The following KCNIP4 variants were observed in gnomAD, a reference collection of about 807,000 sequenced individuals.
The protein encoded by KCNIP4 is Kv channel-interacting protein 4.
A neutral mutation model predicts 34.0 loss-of-function variants in KCNIP4; 12 were observed. The observed-to-expected ratio is 0.35, with a 90% confidence interval of 0.23 to 0.57. The LOEUF (loss-of-function observed/expected upper bound fraction) is 0.57, where lower values mean the gene tolerates loss of function less well. Among genes scored for constraint, KCNIP4 ranks in the 20% least tolerant of loss-of-function variants. The pLI is 0.83. For synonymous variants in KCNIP4, 124 were observed against 102.2 expected, an observed-to-expected ratio of 1.21 and a Z score of -1.29; for missense variants, 238 against 311.7, an observed-to-expected ratio of 0.76 and a Z score of 1.78.
chr4:21,661,323 A>C (rs1320259340), intron 1 of KCNIP4, among the ~76,000 whole-genome samples: 1 of 152,062 alleles, frequency 6.6e-6, no homozygotes, highest in African/African-American at 2.4e-5. Flanking sequence ...TGGGTACGGG[A>C]ACCCAAAAAG....
intron 1 of KCNIP4, among the ~76,000 whole-genome samples, chr4:21,253,456 C>T (rs1023460946): frequency 6.6e-6 from 1 of 152,180 alleles, no homozygotes; most frequent in African/African-American, 2.4e-5. Flanking sequence ...ATTCAAACTC[C>T]TTGTTAGCAC....
chr4:21,110,966 T>TA (rs1560731659), intron 1 of KCNIP4, among the ~76,000 whole-genome samples: 22 of 152,222 alleles, frequency 1.4e-4, no homozygotes, highest in Admixed American at 3.9e-4. Context: ...GTTTTAGGCT[T>TA]CTTGGTTGTT....
chr4:21,125,005 T>C (rs1750489274), intron 1 of KCNIP4, among the ~76,000 whole-genome samples: 1 of 151,214 alleles, frequency 6.6e-6, no homozygotes, highest in Non-Finnish European at 1.5e-5. Flanking sequence ...TCAGCCCCAC[T>C]TGGAGACAGT....
rs1577306291 is a variant in KCNIP4, at chr4:21,401,372, C to G, written c.62-518663G>C. Among the ~76,000 whole-genome samples the G allele has an allele frequency of 3.3e-5, 5 of 152,222 alleles. No homozygotes were observed. The South Asian group carries it at 8.3e-4, about 25-fold the overall frequency. On this transcript the variant is annotated intron_variant, in intron 1 of 8. Coordinates refer to ENST00000382152, the MANE Select transcript of KCNIP4 (RefSeq NM_025221.6). Reference sequence around the variant, plus strand: ...GGAATGACGATTTGTGAAGACTGTCCCATTTTACAAATCTCCGATGCCCAT... The same window carrying G: ...GGAATGACGATTTGTGAAGACTGTCGCATTTTACAAATCTCCGATGCCCAT...
chr4:20,951,271 A>G (rs1043459474), intron 1 of KCNIP4, among the ~76,000 whole-genome samples: 1 of 152,162 alleles, frequency 6.6e-6, no homozygotes, highest in Non-Finnish European at 1.5e-5. Context: ...TGCAGGCTCC[A>G]GAACTGTGAA....
At chr4:21,366,152 A>G (rs935437687) in intron 1 of KCNIP4, among the ~76,000 whole-genome samples, 1 of 152,210 alleles carries the variant, frequency 6.6e-6, no homozygotes, top group African/African-American at 2.4e-5. Flanking sequence ...GCATTCTCTG[A>G]TAAATAAGGC....
chr4:20,919,829 T>C (rs1320476543), intron 1 of KCNIP4, among the ~76,000 whole-genome samples: 5 of 152,154 alleles, frequency 3.3e-5, no homozygotes, highest in Admixed American at 2.6e-4. Context: ...AGCTTTATTA[T>C]TATCTCTGAA....
intron 1 of KCNIP4, among the ~76,000 whole-genome samples, chr4:21,312,009 T>C (rs1211975862): frequency 6.6e-6 from 1 of 152,146 alleles, no homozygotes; most frequent in Non-Finnish European, 1.5e-5. Context: ...CTAGACAATA[T>C]CCTTAATGAT....
At chr4:21,423,532 C>A (rs1401210319) in intron 1 of KCNIP4, among the ~76,000 whole-genome samples, 1 of 152,154 alleles carries the variant, frequency 6.6e-6, no homozygotes, top group Non-Finnish European at 1.5e-5. Context: ...GTAACTAATG[C>A]TGATTTAGGA....
rs182246354 is a variant in KCNIP4, at chr4:21,116,394, A to G, written c.62-233685T>C. Among the ~76,000 whole-genome samples the G allele has an allele frequency of 3.0e-4, 46 of 152,294 alleles. 1 individual carries two copies. The East Asian group carries it at 6.0e-3, about 20-fold the overall frequency. ...TCTTCATTCATCCACTCATTTATCC[A>G]AGGAACAGAGACTCATCTTTTGCAG... On this transcript the variant is annotated intron_variant, in intron 1 of 8. Transcript: ENST00000382152.
chr4:21,876,896 T>G (rs994231158), intron 1 of KCNIP4, among the ~76,000 whole-genome samples: 2 of 151,616 alleles, frequency 1.3e-5, no homozygotes, highest in Non-Finnish European at 2.9e-5. Context: ...AAATTTGTAG[T>G]GATAACAGGC....
intron 1 of KCNIP4, among the ~76,000 whole-genome samples, chr4:21,626,725 G>A (rs1203591009): frequency 6.6e-6 from 1 of 152,074 alleles, no homozygotes; most frequent in Non-Finnish European, 1.5e-5. Flanking sequence ...GAGTCCCCAA[G>A]ATGTCCAATC....
At chr4:21,562,063 T>C (rs1479522969) in intron 1 of KCNIP4, among the ~76,000 whole-genome samples, 1 of 151,952 alleles carries the variant, frequency 6.6e-6, no homozygotes, top group African/African-American at 2.4e-5. Context: ...GGTCATCTAC[T>C]GTGGATCTAC....
At chr4:21,429,606 T>C (rs1269306178) in intron 1 of KCNIP4, among the ~76,000 whole-genome samples, 1 of 152,170 alleles carries the variant, frequency 6.6e-6, no homozygotes, top group East Asian at 1.9e-4. Flanking sequence ...CCAACAACAG[T>C]GAATGAGAGT....
chr4:21,137,443 T>C (rs1167141215), intron 1 of KCNIP4, among the ~76,000 whole-genome samples: 2 of 152,234 alleles, frequency 1.3e-5, no homozygotes, highest in East Asian at 3.9e-4. Flanking sequence ...TTTTCATTTC[T>C]TTGTAATACA....
chr4:20,779,697 A>C (rs1389483284), intron 3 of KCNIP4, among the ~76,000 whole-genome samples: 1 of 151,810 alleles, frequency 6.6e-6, no homozygotes, highest in African/African-American at 2.4e-5. Context: ...AGGCTATCCC[A>C]ATTGTCCTTA....
At chr4:20,929,915 A>C (rs1730283439) in intron 1 of KCNIP4, among the ~76,000 whole-genome samples, 1 of 152,078 alleles carries the variant, frequency 6.6e-6, no homozygotes, top group Non-Finnish European at 1.5e-5. Flanking sequence ...TGAATCAAAA[A>C]ATTTAACAAT....
At chr4:21,167,315 G>T (rs894842337) in intron 1 of KCNIP4, among the ~76,000 whole-genome samples, 2 of 152,098 alleles carry the variant, frequency 1.3e-5, no homozygotes, top group African/African-American at 4.8e-5. Context: ...CCAAAACTTA[G>T]ATACTTTAAA....
At chr4:20,781,018 AACC>A (rs1430884705) in intron 3 of KCNIP4, among the ~76,000 whole-genome samples, 2 of 152,284 alleles carry the variant, frequency 1.3e-5, no homozygotes, top group Middle Eastern at 3.4e-3. Context: ...TTTGGGAGAT[AACC>A]ACCACATAAA....
Sources: allele counts gnomAD v4.1 joint callset (sites outside exome capture counted in the v4.1 genomes callset), GRCh38; gene constraint gnomAD v4.1.1; transcripts MANE v1.5; gene names NCBI Gene and HGNC (gene_info 2026-07-23, HGNC 2026-07-21).